The following TMC2 variants were observed in gnomAD, a reference collection of about 807,000 sequenced individuals.
TMC2 encodes transmembrane channel like 2.
In TMC2, 102 loss-of-function variants were observed where a neutral mutation model predicts 105.9. The observed-to-expected ratio is 0.96, with a 90% CI of 0.82 to 1.14. The LOEUF (loss-of-function observed/expected upper bound fraction) is 1.14, where lower values mean the gene tolerates loss of function less well. TMC2 is among the 50% of genes most tolerant of loss of function. The probability of loss-of-function intolerance (pLI) is 0.00; values close to 1 mark genes in which losing one functional copy is unlikely to be tolerated. For missense variants in TMC2, 1,093 were observed against 1,134.3 expected (o/e 0.96, Z 0.52); for synonymous variants, 402 against 422.8 (o/e 0.95, Z 0.60).
chr20:2,593,573 G>C (rs1410936768), intron 8 of TMC2, among the ~76,000 whole-genome samples: 1 of 152,174 alleles, frequency 6.6e-6, no homozygotes, highest in African/African-American at 2.4e-5. Context: ...CAGTGGACTT[G>C]ATTATTGAAA....
At chr20:2,580,730 A>T (rs1329152114) in intron 7 of TMC2, among the ~76,000 whole-genome samples, 1 of 152,152 alleles carries the variant, frequency 6.6e-6, no homozygotes, top group Admixed American at 6.5e-5. Context: ...TTACAGGCAT[A>T]ACCCACCATA....
intron 4 of TMC2, among the ~76,000 whole-genome samples, chr20:2,567,149 T>G (rs2122846904): frequency 6.6e-6 from 1 of 152,304 alleles, no homozygotes; most frequent in African/African-American, 2.4e-5. Flanking sequence ...TTCCCCATGG[T>G]TTCGGTGAGG....
At chr20:2,621,085 G>A (rs557472983) in intron 16 of TMC2, among the ~76,000 whole-genome samples, 5 of 152,256 alleles carry the variant, frequency 3.3e-5, no homozygotes, top group East Asian at 1.9e-4. Flanking sequence ...GAGGGAGGCC[G>A]GGTGCAGTGG....
At chr20:2,635,401 A>G (rs1378732255) in intron 17 of TMC2, among the ~76,000 whole-genome samples, 1 of 152,166 alleles carries the variant, frequency 6.6e-6, no homozygotes, top group East Asian at 1.9e-4. Context: ...TTGGTTTCCA[A>G]TGTGGGCTGC....
At chr20:2,540,479 G>C (rs898088795) in intron 2 of TMC2, among the ~76,000 whole-genome samples, 1 of 151,684 alleles carries the variant, frequency 6.6e-6, no homozygotes, top group African/African-American at 2.4e-5. Flanking sequence ...TGGTCAACAT[G>C]GTGAAACCCT....
intron 3 of TMC2, among the ~76,000 whole-genome samples, chr20:2,561,019 C>CACTTGAAATGTGGCCAGTGTG (rs1386014404): frequency 1.3e-5 from 2 of 152,150 alleles, no homozygotes; most frequent in Non-Finnish European, 2.9e-5. Context: ...GGCTGCTGAG[C>CACTTGAAATGTGGCCAGTGTG]ACTTGAAATG....
At chr20:2,628,678 C>A (rs1306388804) in intron 17 of TMC2, among the ~76,000 whole-genome samples, 1 of 152,210 alleles carries the variant, frequency 6.6e-6, no homozygotes, top group Non-Finnish European at 1.5e-5. Flanking sequence ...GAAGAAGGTG[C>A]CTTGCTTCCC....
At chr20:2,568,408 G>A (rs1451324839) in intron 4 of TMC2, among the ~76,000 whole-genome samples, 1 of 152,212 alleles carries the variant, frequency 6.6e-6, no homozygotes, top group Non-Finnish European at 1.5e-5. Flanking sequence ...ACTCTTCACA[G>A]TGACTGGTCT....
intron 11 of TMC2, among the ~76,000 whole-genome samples, chr20:2,608,390 C>T (rs570424278): frequency 1.5e-4 from 23 of 150,836 alleles, no homozygotes; most frequent in Non-Finnish European, 2.2e-4. Flanking sequence ...TGCAGTGGCA[C>T]GATTTCAGTT....
Position 2,612,184 on chromosome 20 carries a change from G to C in TMC2, c.1594-7G>C. The C allele has an allele frequency of 6.3e-7, 1 of 1,591,220 alleles. No homozygotes were observed. Among genetic ancestry groups the C allele is most frequent in the Non-Finnish European group, 8.6e-7 (1 of 1,163,930 alleles). ...TTCCTACCCCACACCTCCATCTTCT[G>C]TTCTAGCTTGCTAATGAAGAGACAA... On this transcript the variant is annotated splice_polypyrimidine_tract_variant and splice_region_variant and intron_variant, in intron 12 of 19. Coordinates refer to ENST00000358864, the MANE Select transcript of TMC2 (RefSeq NM_080751.3).
intron 18 of TMC2, among the ~76,000 whole-genome samples, chr20:2,636,620 T>G (rs1156274139): frequency 9.9e-5 from 1 of 10,118 alleles, no homozygotes; most frequent in Non-Finnish European, 2.3e-4. Flanking sequence ...TTCTGGTTTT[T>G]TGTTTGTTTG....
chr20:2,562,230 G>T (rs567750832), intron 4 of TMC2, among the ~76,000 whole-genome samples: 2 of 152,238 alleles, frequency 1.3e-5, no homozygotes, highest in African/African-American at 4.8e-5. Flanking sequence ...GAGGACTCCC[G>T]ACCTGTGCCC....
chr20:2,576,751 A>G (rs1338577110), intron 5 of TMC2, among the ~76,000 whole-genome samples: 4 of 152,162 alleles, frequency 2.6e-5, no homozygotes, highest in Admixed American at 2.6e-4. Context: ...GAGAAGCTAA[A>G]CCATCATCCC....
At chr20:2,569,212 G>T (rs1297334812) in intron 4 of TMC2, among the ~76,000 whole-genome samples, 1 of 152,184 alleles carries the variant, frequency 6.6e-6, no homozygotes, top group East Asian at 1.9e-4. Context: ...TTAACAACTG[G>T]TTGGCCAAGT....
chr20:2,553,973 C>T (rs1051954050), intron 2 of TMC2, among the ~76,000 whole-genome samples: 8 of 152,144 alleles, frequency 5.3e-5, no homozygotes, highest in African/African-American at 1.9e-4. Flanking sequence ...CAACCTCTGC[C>T]TCCTGGGTTC....
intron 17 of TMC2, among the ~76,000 whole-genome samples, chr20:2,626,234 AT>A (rs571799802): frequency 4.7e-4 from 72 of 152,380 alleles, no homozygotes; most frequent in African/African-American, 1.7e-3. Context: ...TATTTTATTA[AT>A]GAATCTGCAA....
Position 2,641,862 on chromosome 20 carries a change from TGGGTGGATCGC to T in TMC2, c.*512_*522del. 1 of 155,028 alleles carries T rather than the reference TGGGTGGATCGC, an allele frequency of 6.5e-6. No homozygotes were observed. Among genetic ancestry groups the T allele is most frequent in the Non-Finnish European group, 1.4e-5 (1 of 69,914 alleles). 9.6% of individuals were successfully genotyped at this position (155,028 alleles called of 1,614,324 possible). ...GTCCCAGCACTTTGGGAGACCAAGG[TGGGTGGATCGC>T]TTGAGCCCAGGAGTTCAAGACCAGC... On this transcript the variant is annotated 3_prime_UTR_variant, in exon 20 of 20. Coordinates refer to ENST00000358864, the MANE Select transcript of TMC2 (RefSeq NM_080751.3).
rs2086692290 is a variant in TMC2 at position 2,641,866 on chromosome 20, T to C, written c.*515T>C. 6.5e-6 allele frequency: 1 copy of C among 153,788 alleles called. No homozygotes were observed. Among genetic ancestry groups the C allele is most frequent in the Admixed American group, 6.4e-5 (1 of 15,672 alleles). 9.5% of individuals were successfully genotyped at this position (153,788 alleles called of 1,614,324 possible). ...CAGCACTTTGGGAGACCAAGGTGGGTGGATCGCTTGAGCCCAGGAGTTCAA... is the reference window on the plus strand; with the variant it reads ...CAGCACTTTGGGAGACCAAGGTGGGCGGATCGCTTGAGCCCAGGAGTTCAA... On this transcript the variant is annotated 3_prime_UTR_variant, in exon 20 of 20. Coordinates refer to ENST00000358864, the MANE Select transcript of TMC2 (RefSeq NM_080751.3).
At chr20:2,636,265 C>T (rs2086642007) in intron 18 of TMC2, among the ~76,000 whole-genome samples, 1 of 152,196 alleles carries the variant, frequency 6.6e-6, no homozygotes, top group African/African-American at 2.4e-5. Flanking sequence ...GTGAGTTCAG[C>T]CAATGCTCAT....
Sources: gnomAD v4.1 joint callset for allele counts (sites outside exome capture counted in the v4.1 genomes callset) on GRCh38, gnomAD v4.1.1 for gene constraint, MANE v1.5 for transcripts, NCBI Gene and HGNC (gene_info 2026-07-23, HGNC 2026-07-21) for gene names.